The following COL6A6 variants were observed in gnomAD, a reference collection of about 807,000 sequenced individuals.
COL6A6 encodes collagen alpha-6(VI) chain.
A neutral mutation model predicts 208.6 loss-of-function variants in COL6A6; 183 were observed. That is an observed-to-expected ratio of 0.88 (90% CI 0.78 to 0.99). COL6A6 has a LOEUF of 0.99. Among genes scored for constraint, COL6A6 ranks in the 50% least tolerant of loss-of-function variants. COL6A6 has a pLI of 0.00. For synonymous variants in COL6A6, 973 were observed against 1,011.8 expected, an observed-to-expected ratio of 0.96 and a Z score of 0.73; for missense variants, 2,816 against 2,815.2, an observed-to-expected ratio of 1.00 and a Z score of -0.01.
intron 2 of COL6A6, 64 bp from the exon 3 acceptor site, chr3:130,563,004 G>T (rs1401391453): frequency 3.8e-5 from 44 of 1,172,218 alleles, no homozygotes; most frequent in Non-Finnish European, 5.2e-5. Flanking sequence ...CATAGAGTTG[G>T]CATTAAATAT....
chr3:130,625,343 G>T (rs1316562897), intron 24 of COL6A6, among the ~76,000 whole-genome samples: 1 of 152,180 alleles, frequency 6.6e-6, no homozygotes, highest in East Asian at 1.9e-4. Context: ...AGTGTAGGTT[G>T]CACATACTTT....
intron 1 of COL6A6, among the ~76,000 whole-genome samples, chr3:130,533,618 C>T (rs552849490): frequency 6.6e-6 from 1 of 152,332 alleles, no homozygotes; most frequent in East Asian, 1.9e-4. Flanking sequence ...GTCCCCCTTT[C>T]TGCTCCCATT....
intron 32 of COL6A6, among the ~76,000 whole-genome samples, chr3:130,647,301 A>AT (rs1157193133): frequency 2.0e-5 from 3 of 151,356 alleles, no homozygotes; most frequent in South Asian, 2.1e-4. Flanking sequence ...AAAAACTTGA[A>AT]TTTTTTTTTC....
chr3:130,542,647 A>G (rs539961599), intron 1 of COL6A6, among the ~76,000 whole-genome samples: 1 of 152,204 alleles, frequency 6.6e-6, no homozygotes, highest in East Asian at 1.9e-4. Flanking sequence ...ATAATAGTGG[A>G]TTCATCTGTT....
At chr3:130,641,801 G>A (rs2065319210) in intron 29 of COL6A6, 87 bp downstream of exon 29, 5 of 691,630 alleles carry the variant, frequency 7.2e-6, no homozygotes, top group South Asian at 5.0e-5. Context: ...GTCCAAATGT[G>A]CATGCCTTCT....
chr3:130,642,989 A>G lies in COL6A6; in HGVS notation c.5193A>G (p.Thr1731=), dbSNP rs752075144. The G allele has an allele frequency of 9.9e-6, 16 of 1,613,788 alleles. No individual in the cohort carries two copies. Among genetic ancestry groups the G allele is most frequent in the Non-Finnish European group, 1.3e-5 (15 of 1,179,786 alleles). ...TCTGTTTTATTTTCGAACTGCAGAC[A>G]TGTGAGCTCATTCAGTATGTGCGAG... The part of the protein sequence containing the change: ...KGAKGLASFS[T]CELIQYVRDR... Residue 1731 remains threonine, a splice_region_variant and synonymous_variant, in exon 31 of 37, where the codon ACA becomes ACG. Coordinates refer to ENST00000358511, the MANE Select transcript of COL6A6 (RefSeq NM_001102608.3).
intron 11 of COL6A6, among the ~76,000 whole-genome samples, chr3:130,587,763 C>T (rs142419046): frequency 3.3e-4 from 51 of 152,336 alleles, no homozygotes; most frequent in African/African-American, 1.1e-3. Flanking sequence ...GGTATTTAAG[C>T]AGCTTGTTCA....
intron 6 of COL6A6, among the ~76,000 whole-genome samples, chr3:130,569,651 C>T (rs901833360): frequency 3.9e-5 from 6 of 152,170 alleles, no homozygotes; most frequent in East Asian, 1.9e-4. Flanking sequence ...CTGGTAACTT[C>T]GCCCAGAACA....
rs77799282 is a variant in COL6A6, at chr3:130,553,854, T to G, written c.-31-6480T>G. 2.9e-4 allele frequency among the ~76,000 whole-genome samples: 7 copies of G among 24,524 alleles called. No individual in the cohort carries two copies. The East Asian group carries it at 3.8e-3, about 13-fold the overall frequency. 16.1% of individuals were successfully genotyped at this position (24,524 alleles called of 152,430 possible). ...CGGTGGGTTTTTTTTGTGTTTTTTT[T>G]TGTTTTGTTTTGTTTTGTTTTTTTG... On this transcript the variant is annotated intron_variant, in intron 1 of 36. Transcript: ENST00000358511.
chr3:130,664,361 C>G (rs917613861), intron 35 of COL6A6, among the ~76,000 whole-genome samples: 2 of 152,200 alleles, frequency 1.3e-5, no homozygotes, highest in Non-Finnish European at 2.9e-5. Flanking sequence ...AAACTTGCTA[C>G]TTATGATGAC....
chr3:130,531,053 CA>C (rs2062077403), intron 1 of COL6A6, among the ~76,000 whole-genome samples: 1 of 88,850 alleles, frequency 1.1e-5, no homozygotes, highest in Non-Finnish European at 2.4e-5. Flanking sequence ...CACACACACA[CA>C]CACACAGTCT....
intron 18 of COL6A6, among the ~76,000 whole-genome samples, chr3:130,597,016 A>G (rs896850821): frequency 2.0e-5 from 3 of 152,200 alleles, no homozygotes; most frequent in African/African-American, 7.2e-5. Context: ...AACTGTCTGT[A>G]TGCAATTTGG....
chr3:130,570,091 A>G (rs2063124247), intron 6 of COL6A6, among the ~76,000 whole-genome samples: 1 of 152,222 alleles, frequency 6.6e-6, no homozygotes, highest in African/African-American at 2.4e-5. Context: ...TAGTTTTGGA[A>G]CACTGCACCT....
intron 28 of COL6A6, among the ~76,000 whole-genome samples, 187 bp downstream of exon 28, chr3:130,635,948 C>CT (rs1354862008): frequency 6.6e-6 from 1 of 152,252 alleles, no homozygotes; most frequent in Non-Finnish European, 1.5e-5. Context: ...AAACAATGAA[C>CT]TGTTTGCTTT....
chr3:130,539,649 T>G (rs1386445934), intron 1 of COL6A6, among the ~76,000 whole-genome samples: 1 of 89,846 alleles, frequency 1.1e-5, no homozygotes, highest in African/African-American at 3.1e-5. Flanking sequence ...AAAAAAAAAT[T>G]TATTTCTTTG....
At chr3:130,540,620 C>T (rs2062340394) in intron 1 of COL6A6, among the ~76,000 whole-genome samples, 1 of 152,156 alleles carries the variant, frequency 6.6e-6, no homozygotes, top group South Asian at 2.1e-4. Flanking sequence ...TTAAGCCCAA[C>T]ATGCGTTATC....
intron 33 of COL6A6, among the ~76,000 whole-genome samples, chr3:130,649,965 G>A (rs1017730085): frequency 2.0e-5 from 3 of 152,230 alleles, no homozygotes; most frequent in African/African-American, 4.8e-5. Flanking sequence ...TCAGGAGGCC[G>A]GTAAACATAC....
intron 32 of COL6A6, among the ~76,000 whole-genome samples, chr3:130,648,543 C>T (rs562932638): frequency 8.5e-5 from 13 of 152,276 alleles, no homozygotes; most frequent in Admixed American, 4.6e-4. Flanking sequence ...TGGGCCAGGG[C>T]GCTAAACTCT....
chr3:130,535,550 T>G (rs2062202855), intron 1 of COL6A6, among the ~76,000 whole-genome samples: 1 of 152,294 alleles, frequency 6.6e-6, no homozygotes, highest in East Asian at 1.9e-4. Context: ...TCTTTTTTTT[T>G]TTCCATAGTT....
Sources: gnomAD v4.1 joint callset for allele counts (sites outside exome capture counted in the v4.1 genomes callset) on GRCh38, gnomAD v4.1.1 for gene constraint, MANE v1.5 for transcripts, NCBI Gene and HGNC (gene_info 2026-07-23, HGNC 2026-07-21) for gene names.